PRR14L: variants seen among roughly 807,000 people sequenced by gnomAD.
The protein encoded by PRR14L is proline rich 14 like.
Under a neutral mutation model 155.0 loss-of-function variants are expected in PRR14L, and 80 were observed. The observed-to-expected ratio is 0.52, with a 90% CI of 0.43 to 0.62. The LOEUF (loss-of-function observed/expected upper bound fraction) is 0.62. Among genes scored for constraint, PRR14L ranks in the 20% least tolerant of loss-of-function variants. The probability of loss-of-function intolerance (pLI) is 0.00; values close to 1 mark genes in which losing one functional copy is unlikely to be tolerated. For missense variants in PRR14L, 2,469 were observed against 2,548.0 expected (o/e 0.97, Z 0.67); for synonymous variants, 883 against 916.0 (o/e 0.96, Z 0.65).
intron 1 of PRR14L, among the ~76,000 whole-genome samples, chr22:31,746,860 G>A (rs910371215): frequency 3.3e-5 from 5 of 149,488 alleles, no homozygotes; most frequent in Non-Finnish European, 5.9e-5. Context: ...GCAGTGGCGC[G>A]ATCTTGGCTC....
intron 4 of PRR14L, among the ~76,000 whole-genome samples, chr22:31,710,391 T>G (rs2074614378): frequency 6.6e-6 from 1 of 152,232 alleles, no homozygotes; most frequent in African/African-American, 2.4e-5. Flanking sequence ...TAAAAAATAT[T>G]TTGTTTACTT....
intron 7 of PRR14L, among the ~76,000 whole-genome samples, chr22:31,689,086 T>C (rs956191901): frequency 9.9e-5 from 15 of 152,252 alleles, no homozygotes; most frequent in Admixed American, 3.3e-4. Flanking sequence ...TTAAATTTTT[T>C]AAAGTATCAT....
chr22:31,689,280 C>A (rs772775330), intron 7 of PRR14L, among the ~76,000 whole-genome samples: 1 of 151,986 alleles, frequency 6.6e-6, no homozygotes, highest in African/African-American at 2.4e-5. Context: ...CCCAAGAGTT[C>A]GAGACCAGCC....
In PRR14L at chr22:31,712,886, G is replaced by A. The variant is rs2074631765; in HGVS notation, c.4953C>T (p.Tyr1651=). The A allele has an allele frequency of 1.3e-6, 2 of 1,551,888 alleles. No individual in the cohort carries two copies. The highest frequency in any genetic ancestry group is 1.2e-5 in the South Asian group (1 of 84,062). Residue 1651 remains tyrosine (Y), a synonymous_variant, in exon 4 of 9, where the codon TAC becomes TAT. Transcript: ENST00000327423. Reference sequence around the variant, plus strand: ...GGAGTCTTTTATATCTGAGGCGCTTGTAGCTTTTAGCCATTGGAAGAAGTT... The same window carrying A: ...GGAGTCTTTTATATCTGAGGCGCTTATAGCTTTTAGCCATTGGAAGAAGTT... ...SSELLPMAKS[Y]KRLRYKRLLD... is the part of the protein sequence containing the mutation.
In PRR14L at chr22:31,681,740, T is replaced by C. The variant is rs1291270323; in HGVS notation, c.*3787A>G. The C allele has an allele frequency of 2.0e-5, 3 of 152,186 alleles. No individual in the cohort carries two copies. Among genetic ancestry groups the C allele is most frequent in the Non-Finnish European group, 4.4e-5 (3 of 68,032 alleles). 9.4% of individuals were successfully genotyped at this position (152,186 alleles called of 1,614,324 possible). A position where few individuals can be genotyped will look rare whatever the true frequency, so the allele number is the denominator to read the frequency against. On this transcript the variant is annotated 3_prime_UTR_variant, in exon 9 of 9. Transcript: ENST00000327423. ...CTTGATTTGTGGCTAGACGGTAACA[T>C]TAAACTGTAATTTTAGTAAAATTAA...
chr22:31,699,618 T>A (rs897023978), intron 7 of PRR14L, among the ~76,000 whole-genome samples: 1 of 152,250 alleles, frequency 6.6e-6, no homozygotes, highest in African/African-American at 2.4e-5. Context: ...ACCTGCATTA[T>A]TAAAATGGAT....
Position 31,717,284 on chromosome 22 carries a change from A to C in PRR14L, c.555T>G (p.Asn185Lys), listed in dbSNP as rs2074665811. 2 of 1,539,564 alleles carry C rather than the reference A, an allele frequency of 1.3e-6. No individual in the cohort carries two copies. The highest frequency in any genetic ancestry group is 2.1e-5 in the Admixed American group (1 of 48,622). The change falls in exon 4 of 9, where the codon AAT becomes AAG. Residue 185 changes from asparagine to lysine, a missense_variant. Physicochemically the swap from Asn to Lys is moderately conservative, Grantham distance 94. Coordinates refer to ENST00000327423, the MANE Select transcript of PRR14L (RefSeq NM_173566.3). ...PEDFLRSKEG[N>K]VQITAETLLK... ...GCAGAGTTTCAGCTGTAATCTGTAC[A>C]TTTCCTTCTGAATAAGAGAAATAAA...
At position 31,682,064 on chromosome 22, in the gene PRR14L, C is replaced by T. The variant is rs2074457085; in HGVS notation, c.*3463G>A. On this transcript the variant is annotated 3_prime_UTR_variant, in exon 9 of 9. Transcript: ENST00000327423. ...CTTTCGCAGATCTTAATGTACATGG[C>T]ATTGATTATGAGACGGAATTCCAGC... 1 of 152,224 alleles carries T rather than the reference C, an allele frequency of 6.6e-6. No individual in the cohort carries two copies. The highest frequency in any genetic ancestry group is 2.1e-4 in the South Asian group (1 of 4,834). The allele number at this position is 152,224 out of a possible 1,614,324, so 9.4% of individuals were successfully genotyped here.
At chr22:31,698,321 G>A (rs960993980) in intron 7 of PRR14L, among the ~76,000 whole-genome samples, 12 of 151,854 alleles carry the variant, frequency 7.9e-5, no homozygotes, top group African/African-American at 2.4e-4. Context: ...TACCATGCCC[G>A]GCCAGATGTT....
At chr22:31,687,689 A>C (rs1444914901) in intron 8 of PRR14L, among the ~76,000 whole-genome samples, 1 of 151,122 alleles carries the variant, frequency 6.6e-6, no homozygotes, top group Non-Finnish European at 1.5e-5. Context: ...TTTATTTCCT[A>C]TCCTATTACT....
At position 31,725,424 on chromosome 22, in the gene PRR14L, C is replaced by G. The variant is rs1032822008; in HGVS notation, c.547+114G>C. The G allele has an allele frequency of 1.3e-5, 9 of 694,668 alleles. No homozygotes were observed. The African/African-American group carries it at 1.6e-4, about 12-fold the overall frequency. The allele number at this position is 694,668 out of a possible 1,614,324, so 43.0% of individuals were successfully genotyped here. A position where few individuals can be genotyped will look rare whatever the true frequency, so the allele number is the denominator to read the frequency against. On this transcript the variant is annotated intron_variant, in intron 3 of 8. Transcript: ENST00000327423. Reference sequence around the variant, plus strand: ...AAGTTACAGTTTCTATAGTTAAGTACACCTTACAAGGCAAGGACTTACAAC... The same window carrying G: ...AAGTTACAGTTTCTATAGTTAAGTAGACCTTACAAGGCAAGGACTTACAAC...
chr22:31,696,087 C>T lies in PRR14L; in HGVS notation c.6107+5569G>A, dbSNP rs1676757155. On this transcript the variant is annotated intron_variant, in intron 7 of 8. Coordinates refer to ENST00000327423, the MANE Select transcript of PRR14L (RefSeq NM_173566.3). ...AACTTTCCACAGAGTACACGAGAAC[C>T]CGGCTGTAGGAGAATCAACCACTCA... Among the ~76,000 whole-genome samples, 3 of 151,916 alleles carry T rather than the reference C, an allele frequency of 2.0e-5. 1 individual carries two copies. The highest frequency in any genetic ancestry group is 2.0e-4 in the Admixed American group (3 of 15,222).
Position 31,738,501 on chromosome 22 carries a change from C to T in PRR14L, c.360G>A (p.Lys120=). 1 of 1,552,064 alleles carries T rather than the reference C, an allele frequency of 6.4e-7. No homozygotes were observed. Among genetic ancestry groups the T allele is most frequent in the Non-Finnish European group, 8.7e-7 (1 of 1,147,088 alleles). ...RAKRSESMEP[K]VFRDPGGQAG... ...CCTGGCCCCCTGGATCTCTGAAGAC[C>T]TTTGGCTCCATGCTCTCGCTTCTCT... The change falls in exon 2 of 9, where the codon AAG becomes AAA. Residue 120 remains lysine (K), a synonymous_variant. Transcript: ENST00000327423.
intron 7 of PRR14L, 146 bp from the exon 8 acceptor site, chr22:31,688,373 GCCT>G (rs2074493310): frequency 9.0e-7 from 1 of 1,110,044 alleles, no homozygotes; most frequent in Admixed American, 3.8e-5. Context: ...TCCAGCCTCA[GCCT>G]CCTGAGTAGC....
Position 31,714,093 on chromosome 22 carries a change from G to A in PRR14L, c.3746C>T (p.Thr1249Ile). 1.3e-6 allele frequency: 2 copies of A among 1,549,890 alleles called. No homozygotes were observed. The highest frequency in any genetic ancestry group is 3.3e-4 in the Middle Eastern group (2 of 5,990). Residue 1249 changes from threonine to isoleucine, a missense_variant, in exon 4 of 9, where the codon ACT becomes ATT. Physicochemically the swap from Thr to Ile is moderately conservative, Grantham distance 89 (BLOSUM62 -1). Coordinates refer to ENST00000327423, the MANE Select transcript of PRR14L (RefSeq NM_173566.3). ...GTCAGTTTCTTCACTGTTAACATTA[G>A]TTTCTGAATTTTCTTGAGAAGGCAT... is the stretch of plus-strand genomic sequence containing the variant. The part of the protein sequence containing the change: ...EIMPSQENSE[T>I]NVNSEETDLK...
intron 2 of PRR14L, among the ~76,000 whole-genome samples, chr22:31,730,138 TAAAAAA>T (rs534900377): frequency 8.8e-6 from 1 of 113,464 alleles, no homozygotes; most frequent in African/African-American, 3.4e-5. Context: ...AGACTCAGTC[TAAAAAA>T]AAAAAAAAAA....
chr22:31,704,630 C>T, intron 5 of PRR14L, 25 bp downstream of exon 5: 2 of 1,603,246 alleles, frequency 1.2e-6, no homozygotes, highest in Non-Finnish European at 1.7e-6. Context: ...CACGCGCACA[C>T]ACACGCTGAG....
chr22:31,716,315 T>A lies in PRR14L; in HGVS notation c.1524A>T (p.Glu508Asp). The A allele has an allele frequency of 6.4e-7, 1 of 1,551,704 alleles. No individual in the cohort carries two copies. The highest frequency in any genetic ancestry group is 8.7e-7 in the Non-Finnish European group (1 of 1,146,990). ...TNMSHPGGHS[E>D]ESSFSSLMQI... ...GCATCAAGGAGGAAAAACTGCTTTC[T>A]TCAGAGTGTCCACCAGGATGGCTCA... The change falls in exon 4 of 9, where the codon GAA becomes GAT. Residue 508 changes from glutamate to aspartate, a missense_variant. Glu to Asp is a conservative substitution (Grantham distance 45, BLOSUM62 2). This residue lies in a region of PRR14L where 2,363 missense variants were observed against 2,371.6 expected (regional missense o/e 1.00). Transcript: ENST00000327423.
chr22:31,740,831 G>A (rs556434518), intron 1 of PRR14L, among the ~76,000 whole-genome samples: 8 of 152,214 alleles, frequency 5.3e-5, no homozygotes, highest in African/African-American at 1.9e-4. Flanking sequence ...ACAGAAAGGC[G>A]AATTAAAAAA....
Sources: allele counts gnomAD v4.1 joint callset (sites outside exome capture counted in the v4.1 genomes callset), GRCh38; gene constraint gnomAD v4.1.1; regional missense constraint gnomAD v4.1.1; transcripts MANE v1.5; gene names NCBI Gene and HGNC (gene_info 2026-07-23, HGNC 2026-07-21).